Variants in FAM174A observed in about 807,000 individuals in gnomAD.
The protein encoded by FAM174A is family with sequence similarity 174 member A.
In FAM174A, 14 loss-of-function variants were observed where a neutral mutation model predicts 14.3. The ratio of observed to expected loss-of-function variants is 0.98; its 90% confidence interval spans 0.65 to 1.53. The LOEUF is 1.53. FAM174A is among the 40% of genes most tolerant of loss of function. FAM174A has a pLI of 0.00. For synonymous variants in FAM174A, 108 were observed against 111.4 expected (o/e 0.97, Z 0.19); for missense variants, 241 against 249.6 (o/e 0.97, Z 0.23).
At chr5:100,581,318 A>T (rs1747006900) in intron 2 of FAM174A, 2 of 943,844 alleles carry the variant, frequency 2.1e-6, no homozygotes, top group Non-Finnish European at 2.5e-6. Context: ...TACTTTTCTC[A>T]TACCATATTG....
chr5:100,552,188 T>G (rs1185316988), intron 1 of FAM174A, among the ~76,000 whole-genome samples: 1 of 152,174 alleles, frequency 6.6e-6, no homozygotes, highest in East Asian at 1.9e-4. Context: ...TGATGAAAAG[T>G]ATAGACAACT....
chr5:100,551,117 G>A (rs1323701647), intron 1 of FAM174A, among the ~76,000 whole-genome samples: 1 of 152,152 alleles, frequency 6.6e-6, no homozygotes, highest in Non-Finnish European at 1.5e-5. Flanking sequence ...CAGAGGAAGA[G>A]ATGATAGGAT....
At chr5:100,575,867 G>T (rs1335472105) in intron 2 of FAM174A, among the ~76,000 whole-genome samples, 4 of 152,078 alleles carry the variant, frequency 2.6e-5, no homozygotes, top group African/African-American at 9.7e-5. Context: ...ATCAAAAAGT[G>T]GGCAAAGGAT....
At chr5:100,582,256 A>AT (rs1227163526) in intron 2 of FAM174A, among the ~76,000 whole-genome samples, 1 of 152,058 alleles carries the variant, frequency 6.6e-6, no homozygotes, top group African/African-American at 2.4e-5. Context: ...CCTTCAGTAT[A>AT]TTTTTTAAAG....
rs577344544 is a variant in FAM174A at position 100,577,404 on chromosome 5, T to C, written c.570-8777T>C. Among the ~76,000 whole-genome samples the C allele has an allele frequency of 1.4e-4, 21 of 152,272 alleles. No individual in the cohort carries two copies. In the South Asian group the frequency reaches 4.3e-3, roughly 32 times the overall value. ...ATTTGCTTTTTGGCTACTGCTGTTATGCTTCATTAAATATACTATTGTGTT... is the reference window on the plus strand; with the variant it reads ...ATTTGCTTTTTGGCTACTGCTGTTACGCTTCATTAAATATACTATTGTGTT... On this transcript the variant is annotated intron_variant, in intron 2 of 2. Coordinates refer to ENST00000312637, the MANE Select transcript of FAM174A (RefSeq NM_198507.3).
chr5:100,549,922 A>G (rs1366943604), intron 1 of FAM174A, among the ~76,000 whole-genome samples: 1 of 152,138 alleles, frequency 6.6e-6, no homozygotes. Context: ...AGACTTTTAA[A>G]ATATCTCATT....
chr5:100,564,758 A>G (rs1429248417), intron 2 of FAM174A, among the ~76,000 whole-genome samples: 2 of 151,896 alleles, frequency 1.3e-5, no homozygotes, highest in Non-Finnish European at 2.9e-5. Context: ...TTATATGCCA[A>G]CAAATTTGAT....
intron 2 of FAM174A, among the ~76,000 whole-genome samples, chr5:100,573,166 G>T (rs1746828045): frequency 6.6e-6 from 1 of 152,134 alleles, no homozygotes; most frequent in Non-Finnish European, 1.5e-5. Flanking sequence ...TTTGTCAGTT[G>T]AGTAGGTTGC....
chr5:100,550,467 T>C (rs944888155), intron 1 of FAM174A, among the ~76,000 whole-genome samples: 6 of 152,160 alleles, frequency 3.9e-5, no homozygotes, highest in African/African-American at 1.2e-4. Flanking sequence ...ATGGAAGATA[T>C]ATTGCCAATC....
intron 1 of FAM174A, among the ~76,000 whole-genome samples, chr5:100,545,637 C>T (rs1314542715): frequency 5.9e-5 from 9 of 152,058 alleles, no homozygotes; most frequent in Admixed American, 2.0e-4. Flanking sequence ...AGCAAAACAT[C>T]CAAAAGATAA....
At chr5:100,570,699 A>T (rs1451648492) in intron 2 of FAM174A, among the ~76,000 whole-genome samples, 1 of 151,988 alleles carries the variant, frequency 6.6e-6, no homozygotes, top group Non-Finnish European at 1.5e-5. Context: ...TAATAGGTGG[A>T]TTTTAAAATA....
At chr5:100,541,042 A>C (rs1402756424) in intron 1 of FAM174A, among the ~76,000 whole-genome samples, 1 of 152,244 alleles carries the variant, frequency 6.6e-6, no homozygotes, top group Non-Finnish European at 1.5e-5. Flanking sequence ...TTTGTAGGAC[A>C]ATGCTGAATG....
chr5:100,563,264 C>G (rs1234719395), intron 2 of FAM174A, among the ~76,000 whole-genome samples: 1 of 151,682 alleles, frequency 6.6e-6, no homozygotes, highest in Non-Finnish European at 1.5e-5. Flanking sequence ...CACTCACTTT[C>G]AATTAAAGAC....
At chr5:100,585,267 A>C (rs1054113080) in intron 2 of FAM174A, among the ~76,000 whole-genome samples, 1 of 152,188 alleles carries the variant, frequency 6.6e-6, no homozygotes, top group Admixed American at 6.5e-5. Flanking sequence ...AAATAGCACC[A>C]TGTATAGTCT....
At chr5:100,544,408 G>GGA (rs144016021) in intron 1 of FAM174A, among the ~76,000 whole-genome samples, 2,159 of 146,328 alleles carry the variant, frequency 0.015, 25 homozygotes, top group Middle Eastern at 0.028. Context: ...ATGAGATCCT[G>GGA]GAGAGAGAGA....
rs567415559 is a variant in FAM174A, at chr5:100,557,069, A to G, written c.435-4985A>G. Among the ~76,000 whole-genome samples, 83 of 152,242 alleles carry G rather than the reference A, an allele frequency of 5.5e-4. No individual in the cohort carries two copies. The Middle Eastern group carries it at 0.014, about 25-fold the overall frequency. ...GTTTTTGCCCATTCAGTATGATATCAGCTGTGGGTTTGTCATAGATAACTC... is the reference window on the plus strand; with the variant it reads ...GTTTTTGCCCATTCAGTATGATATCGGCTGTGGGTTTGTCATAGATAACTC... On this transcript the variant is annotated intron_variant, in intron 1 of 2. Transcript: ENST00000312637.
chr5:100,573,034 G>A (rs1177053578), intron 2 of FAM174A, among the ~76,000 whole-genome samples: 2 of 151,590 alleles, frequency 1.3e-5, no homozygotes, highest in Non-Finnish European at 1.5e-5. Flanking sequence ...GTGTTTTTTG[G>A]CTGCATAAAT....
intron 2 of FAM174A, among the ~76,000 whole-genome samples, chr5:100,571,685 TATATATAC>T (rs1746783439): frequency 6.8e-6 from 1 of 147,072 alleles, no homozygotes; most frequent in African/African-American, 2.5e-5. Flanking sequence ...TATATATATA[TATATATAC>T]ACACACACAC....
At chr5:100,572,480 C>T (rs188559359) in intron 2 of FAM174A, among the ~76,000 whole-genome samples, 34 of 150,584 alleles carry the variant, frequency 2.3e-4, no homozygotes, top group Admixed American at 2.1e-3. Context: ...CAGTTCCCAC[C>T]TATGAGTGAG....
Sources: gnomAD v4.1 joint callset for allele counts (sites outside exome capture counted in the v4.1 genomes callset) on GRCh38, gnomAD v4.1.1 for gene constraint, MANE v1.5 for transcripts, NCBI Gene and HGNC (gene_info 2026-07-23, HGNC 2026-07-21) for gene names.